The following WASF2 variants were observed in gnomAD, a reference collection of about 807,000 sequenced individuals.
The protein encoded by WASF2 is WASP family member 2.
A neutral mutation model predicts 45.0 loss-of-function variants in WASF2; 14 were observed. The ratio of observed to expected loss-of-function variants is 0.31; its 90% CI spans 0.21 to 0.49. WASF2 has a LOEUF of 0.49. WASF2 is among the 20% of genes least tolerant of loss of function. WASF2 has a pLI of 0.99. For synonymous variants in WASF2, 200 were observed against 236.3 expected (o/e 0.85, Z 1.41); for missense variants, 439 against 636.1 (o/e 0.69, Z 3.33).
chr1:27,405,746 T>C lies in WASF2; in HGVS notation c.*2443A>G, dbSNP rs936691848. The C allele has an allele frequency of 6.6e-6, 1 of 152,152 alleles. No homozygotes were observed. Among genetic ancestry groups the C allele is most frequent in the African/African-American group, 2.4e-5 (1 of 41,268 alleles). The allele number at this position is 152,152 out of a possible 1,614,324, so 9.4% of individuals were successfully genotyped here. A position where few individuals can be genotyped will look rare whatever the true frequency, so the allele number is the denominator to read the frequency against. On this transcript the variant is annotated 3_prime_UTR_variant, in exon 9 of 9. Coordinates refer to ENST00000618852, the MANE Select transcript of WASF2 (RefSeq NM_006990.5). ...CTACAAAGTGCCGAGCTTGGCTGCA[T>C]AGATTTTAATGAGAGCGTCAGGCAG...
intron 1 of WASF2, among the ~76,000 whole-genome samples, chr1:27,486,779 C>G (rs1454596495): frequency 6.6e-6 from 1 of 151,894 alleles, no homozygotes; most frequent in East Asian, 1.9e-4. Flanking sequence ...CAAAAATTAG[C>G]CAGGCGTGGC....
chr1:27,461,461 T>A (rs907394822), intron 1 of WASF2, among the ~76,000 whole-genome samples: 1 of 94,394 alleles, frequency 1.1e-5, no homozygotes, highest in South Asian at 4.3e-4. Flanking sequence ...CACTTCAGCA[T>A]TTTTTTTTTT....
intron 8 of WASF2, among the ~76,000 whole-genome samples, chr1:27,408,918 G>A (rs1048051464): frequency 6.6e-6 from 1 of 152,134 alleles, no homozygotes; most frequent in African/African-American, 2.4e-5. Context: ...AAGGAAGGAA[G>A]ACACGAAGGG....
At chr1:27,489,017 T>C (rs1314864351) in intron 1 of WASF2, among the ~76,000 whole-genome samples, 1 of 152,116 alleles carries the variant, frequency 6.6e-6, no homozygotes, top group Non-Finnish European at 1.5e-5. Flanking sequence ...CTAACCCTCC[T>C]GAATTCTGGA....
intron 1 of WASF2, among the ~76,000 whole-genome samples, chr1:27,458,267 C>T (rs1002441930): frequency 8.5e-5 from 11 of 129,188 alleles, no homozygotes; most frequent in East Asian, 2.5e-4. Context: ...GAGCCAAGAT[C>T]GCGTCACTGC....
At chr1:27,444,982 C>A (rs1034612988) in intron 1 of WASF2, among the ~76,000 whole-genome samples, 3 of 152,150 alleles carry the variant, frequency 2.0e-5, no homozygotes, top group Non-Finnish European at 4.4e-5. Flanking sequence ...GTATGCTGAA[C>A]CTCTTTTATA....
chr1:27,411,818 G>A (rs1044776243), intron 7 of WASF2, among the ~76,000 whole-genome samples: 3 of 152,186 alleles, frequency 2.0e-5, no homozygotes, highest in African/African-American at 4.8e-5. Flanking sequence ...AGCCAAGATC[G>A]CGCCATTGCA....
At position 27,485,020 on chromosome 1, in the gene WASF2, G is replaced by A. The variant is rs188170457; in HGVS notation, c.-44+4966C>T. Among the ~76,000 whole-genome samples, 7 of 151,892 alleles carry A rather than the reference G, an allele frequency of 4.6e-5. No individual in the cohort carries two copies. In the East Asian group the frequency reaches 1.4e-3, roughly 29 times the overall value. ...CAAAACTTAGCCGGGCGTGGTGGCA[G>A]ACACCTGTAATCCCAGCTACTCAGG... is the stretch of plus-strand genomic sequence containing the variant. On this transcript the variant is annotated intron_variant, in intron 1 of 8. Coordinates refer to ENST00000618852, the MANE Select transcript of WASF2 (RefSeq NM_006990.5).
At chr1:27,408,441 G>C (rs2016710448) in intron 8 of WASF2, 95 bp from the exon 9 acceptor site, 28 of 1,507,150 alleles carry the variant, frequency 1.9e-5, no homozygotes, top group Non-Finnish European at 2.5e-5. Flanking sequence ...CAATGGGTAA[G>C]TGGTATTGGA....
chr1:27,438,896 GAGTC>G (rs2017172266), intron 1 of WASF2, among the ~76,000 whole-genome samples: 1 of 152,226 alleles, frequency 6.6e-6, no homozygotes, highest in South Asian at 2.1e-4. Flanking sequence ...AACTGACTAA[GAGTC>G]AGCAGCAAAG....
At chr1:27,458,127 C>G (rs1455525601) in intron 1 of WASF2, among the ~76,000 whole-genome samples, 1 of 151,606 alleles carries the variant, frequency 6.6e-6, no homozygotes, top group East Asian at 1.9e-4. Flanking sequence ...TTGGGTAACA[C>G]AGCGAAACTC....
chr1:27,450,231 T>G (rs1378108691), intron 1 of WASF2, among the ~76,000 whole-genome samples: 2 of 151,998 alleles, frequency 1.3e-5, no homozygotes, highest in Non-Finnish European at 2.9e-5. Context: ...ACCTCAAAGC[T>G]CTTACTCCCT....
chr1:27,461,756 G>T (rs925144063), intron 1 of WASF2, among the ~76,000 whole-genome samples: 1 of 152,000 alleles, frequency 6.6e-6, no homozygotes, highest in African/African-American at 2.4e-5. Flanking sequence ...TTACAGGCGT[G>T]AGCCACCGCG....
At chr1:27,480,748 C>A (rs975755626) in intron 1 of WASF2, among the ~76,000 whole-genome samples, 1 of 152,142 alleles carries the variant, frequency 6.6e-6, no homozygotes, top group Admixed American at 6.6e-5. Flanking sequence ...GGTGCGGTGG[C>A]TCACGCCTGT....
Position 27,428,656 on chromosome 1 carries a change from G to A in WASF2, c.130+105C>T, listed in dbSNP as rs192640398. 1.0e-5 allele frequency: 16 copies of A among 1,572,688 alleles called. No homozygotes were observed. In the East Asian group the frequency reaches 3.4e-4, roughly 33 times the overall value. ...GGAGGATACATTTTCGCATTACCTA[G>A]GGAAGGCAGATGGGGGAGAAATAGG... On this transcript the variant is annotated intron_variant, in intron 2 of 8. Transcript: ENST00000618852.
intron 6 of WASF2, among the ~76,000 whole-genome samples, chr1:27,413,331 C>T (rs986169075): frequency 1.3e-5 from 2 of 152,142 alleles, no homozygotes; most frequent in South Asian, 4.1e-4. Flanking sequence ...GAAAACCTGT[C>T]CCTCAGTGCA....
intron 1 of WASF2, among the ~76,000 whole-genome samples, chr1:27,476,355 A>G (rs1210949416): frequency 6.6e-6 from 1 of 152,198 alleles, no homozygotes; most frequent in Non-Finnish European, 1.5e-5. Flanking sequence ...GCTTTTACTC[A>G]TGGCAGAAGG....
At chr1:27,437,419 C>T (rs1335215184) in intron 1 of WASF2, among the ~76,000 whole-genome samples, 1 of 152,128 alleles carries the variant, frequency 6.6e-6, no homozygotes, top group Non-Finnish European at 1.5e-5. Context: ...GTAAACTACA[C>T]TAAAAAATGC....
At chr1:27,462,113 G>T (rs1391877545) in intron 1 of WASF2, among the ~76,000 whole-genome samples, 1 of 151,804 alleles carries the variant, frequency 6.6e-6, no homozygotes, top group Non-Finnish European at 1.5e-5. Context: ...AAGTAGCTGG[G>T]ACTAAAGGCA....
Sources: gnomAD v4.1 joint callset for allele counts (sites outside exome capture counted in the v4.1 genomes callset) on GRCh38, gnomAD v4.1.1 for gene constraint, MANE v1.5 for transcripts, NCBI Gene and HGNC (gene_info 2026-07-23, HGNC 2026-07-21) for gene names.